MMP26: variants seen among roughly 807,000 people sequenced by gnomAD.
MMP26 encodes matrix metalloproteinase-26.
A neutral mutation model predicts 31.0 loss-of-function variants in MMP26; 33 were observed. The observed-to-expected ratio is 1.06, with a 90% CI of 0.81 to 1.42. The LOEUF (loss-of-function observed/expected upper bound fraction) is 1.42, where lower values mean the gene tolerates loss of function less well. Among genes scored for constraint, MMP26 ranks in the 40% most tolerant of loss-of-function variants. The pLI is 0.00. For missense variants in MMP26, 347 were observed against 316.1 expected (o/e 1.10, Z -0.74); for synonymous variants, 122 against 114.9 (o/e 1.06, Z -0.40).
intron 1 of MMP26, chr11:4,752,544 C>G (rs369170087): frequency 1.3e-5 from 2 of 152,232 alleles, no homozygotes; most frequent in African/African-American, 4.8e-5. Flanking sequence ...GACTGCCAAA[C>G]CAATCTGTGC....
chr11:4,738,963 T>G (rs1848277965), intron 1 of MMP26, among the ~76,000 whole-genome samples: 3 of 139,562 alleles, frequency 2.1e-5, no homozygotes, highest in Admixed American at 6.7e-5. Flanking sequence ...CTTGCTAGAG[T>G]TTTTTCTAGT....
At chr11:4,933,068 G>T (rs1452542790) in intron 2 of MMP26, among the ~76,000 whole-genome samples, 2 of 152,100 alleles carry the variant, frequency 1.3e-5, no homozygotes, top group Non-Finnish European at 2.9e-5. Context: ...TTCTAGAAGT[G>T]TTAGAGAAAG....
At chr11:4,769,747 G>C (rs913700912) in intron 2 of MMP26, 1 of 1,613,960 alleles carries the variant, frequency 6.2e-7, no homozygotes. Flanking sequence ...TGGGTTCATG[G>C]AGACTCTGCT....
chr11:4,764,435 T>C (rs1248293450), intron 1 of MMP26, among the ~76,000 whole-genome samples: 1 of 152,130 alleles, frequency 6.6e-6, no homozygotes, highest in African/African-American at 2.4e-5. Flanking sequence ...ATGGGCCCAA[T>C]ATACTGGGCC....
chr11:4,833,443 C>T (rs980187244), intron 2 of MMP26, among the ~76,000 whole-genome samples: 2 of 152,182 alleles, frequency 1.3e-5, no homozygotes, highest in African/African-American at 4.8e-5. Flanking sequence ...TACTATTTAA[C>T]ATCTTGATAT....
At chr11:4,749,126 A>T (rs1432441928) in intron 1 of MMP26, among the ~76,000 whole-genome samples, 1 of 152,152 alleles carries the variant, frequency 6.6e-6, no homozygotes, top group Non-Finnish European at 1.5e-5. Flanking sequence ...TACAAAAATC[A>T]GTAGCATTTC....
At chr11:4,862,628 G>A (rs1190902190) in intron 2 of MMP26, among the ~76,000 whole-genome samples, 1 of 152,146 alleles carries the variant, frequency 6.6e-6, no homozygotes, top group Non-Finnish European at 1.5e-5. Context: ...TCAAGAACTG[G>A]TCTGGGAGCT....
rs530007184 is a variant in MMP26, at chr11:4,722,532, A to G, written c.-217+17487A>G. ...AGGATTTATTTAGGACAGGAAAAAA[A>G]AAAAAGCAATTGAATTGTTTTGTAG... On this transcript the variant is annotated intron_variant, in intron 1 of 7. Transcript: ENST00000380390. 4.7e-5 allele frequency among the ~76,000 whole-genome samples: 7 copies of G among 149,944 alleles called. No homozygotes were observed. In the East Asian group the frequency reaches 1.4e-3, roughly 29 times the overall value.
intron 2 of MMP26, chr11:4,804,433 T>C (rs1849235645): frequency 2.2e-6 from 3 of 1,349,144 alleles, no homozygotes; most frequent in Non-Finnish European, 3.2e-6. Flanking sequence ...CTGCAGATGA[T>C]AACAATCAAA....
At chr11:4,825,335 C>T (rs1849565080) in intron 2 of MMP26, among the ~76,000 whole-genome samples, 1 of 152,104 alleles carries the variant, frequency 6.6e-6, no homozygotes, top group Non-Finnish European at 1.5e-5. Context: ...GACTTTATCA[C>T]AGAAGATCTG....
intron 2 of MMP26, among the ~76,000 whole-genome samples, chr11:4,799,172 T>A (rs1377723445): frequency 6.6e-6 from 1 of 152,132 alleles, no homozygotes; most frequent in Non-Finnish European, 1.5e-5. Flanking sequence ...TTTAAGAAAA[T>A]ACCTGAGACT....
At chr11:4,906,238 C>T (rs959264114) in intron 2 of MMP26, among the ~76,000 whole-genome samples, 27 of 152,172 alleles carry the variant, frequency 1.8e-4, no homozygotes, top group Non-Finnish European at 7.3e-5. Context: ...ATTTCTCCAA[C>T]ATGTTCTATT....
intron 2 of MMP26, among the ~76,000 whole-genome samples, chr11:4,833,740 G>A (rs1237335363): frequency 6.6e-6 from 1 of 152,142 alleles, no homozygotes; most frequent in African/African-American, 2.4e-5. Flanking sequence ...TAGAGACTAT[G>A]TCATTTGGTG....
chr11:4,849,031 G>A, intron 2 of MMP26: 1 of 1,613,774 alleles, frequency 6.2e-7, no homozygotes, highest in East Asian at 2.2e-5. Flanking sequence ...AGGGCGGGCT[G>A]CAGGGCAATG....
At chr11:4,724,125 G>A (rs1848063014) in intron 1 of MMP26, 3 of 619,692 alleles carry the variant, frequency 4.8e-6, no homozygotes, top group African/African-American at 3.7e-5. Flanking sequence ...GTCCTGGGGG[G>A]CTAGAGGTGG....
At chr11:4,785,467 C>T (rs887937769) in intron 2 of MMP26, among the ~76,000 whole-genome samples, 2 of 151,986 alleles carry the variant, frequency 1.3e-5, no homozygotes, top group Non-Finnish European at 2.9e-5. Flanking sequence ...TACAAGGTAA[C>T]TCAGTAGATA....
intron 2 of MMP26, among the ~76,000 whole-genome samples, chr11:4,939,111 G>C (rs1846171488): frequency 6.6e-6 from 1 of 151,990 alleles, no homozygotes; most frequent in African/African-American, 2.4e-5. Context: ...ACACAAAATA[G>C]CTTCCTTATT....
chr11:4,860,377 T>C (rs540605886), intron 2 of MMP26: 12 of 471,116 alleles, frequency 2.5e-5, no homozygotes, highest in African/African-American at 2.0e-4. Context: ...AGAAAGGAAG[T>C]AATACGTGGG....
Position 4,733,881 on chromosome 11 carries a change from A to G in MMP26, c.-217+28836A>G, listed in dbSNP as rs532683601. On this transcript the variant is annotated intron_variant, in intron 1 of 7. Transcript: ENST00000380390. ...TCTACATTGTTGAGTGTTGTTATCA[A>G]AAATGATAGTTGAATCTTGTCAAAT... Among the ~76,000 whole-genome samples, 15 of 152,320 alleles carry G rather than the reference A, an allele frequency of 9.8e-5. No homozygotes were observed. In the East Asian group the frequency reaches 2.3e-3, roughly 23 times the overall value.
Sources: allele counts gnomAD v4.1 joint callset (sites outside exome capture counted in the v4.1 genomes callset), GRCh38; gene constraint gnomAD v4.1.1; transcripts MANE v1.5; gene names NCBI Gene and HGNC (gene_info 2026-07-23, HGNC 2026-07-21).